SEMA5A: variants seen among roughly 807,000 people sequenced by gnomAD.
SEMA5A encodes semaphorin-5A.
SEMA5A carries 55 observed loss-of-function variants against 135.5 expected under a neutral mutation model. The ratio of observed to expected loss-of-function variants is 0.41; its 90% confidence interval spans 0.33 to 0.51. The LOEUF is 0.51. SEMA5A is among the 20% of genes least tolerant of loss of function. The pLI is 0.37. For missense variants in SEMA5A, 1,290 were observed against 1,419.9 expected (o/e 0.91, Z 1.47); for synonymous variants, 580 against 546.5 (o/e 1.06, Z -0.85).
intron 8 of SEMA5A, 140 bp from the exon 9 acceptor site, chr5:9,202,380 GTGAGCAGCTTAA>G: frequency 1.6e-6 from 1 of 642,282 alleles, no homozygotes; most frequent in South Asian, 3.1e-5. Flanking sequence ...GGGAGGCCCC[GTGAGCAGCTTAA>G]TGATCTACAC....
In SEMA5A at chr5:9,054,227, C is replaced by A. The variant is rs1215443754; in HGVS notation, c.2549G>T (p.Trp850Leu). 1 of 1,613,800 alleles carries A rather than the reference C, an allele frequency of 6.2e-7. No individual in the cohort carries two copies. Among genetic ancestry groups the A allele is most frequent in the Non-Finnish European group, 8.5e-7 (1 of 1,179,880 alleles). ...VDGVWSCWSP[W>L]TKCSATCGGG... ...GCCGCATGTTGCTGAACATTTTGTCCAGGGGGACCAGCAAGACCACACGCC... is the reference window on the plus strand; with the variant it reads ...GCCGCATGTTGCTGAACATTTTGTCAAGGGGGACCAGCAAGACCACACGCC... The change falls in exon 19 of 23, where the codon TGG becomes TTG. Residue 850 changes from tryptophan to leucine, a missense_variant. Physicochemically the swap from Trp to Leu is moderately conservative, Grantham distance 61. Coordinates refer to ENST00000382496, the MANE Select transcript of SEMA5A (RefSeq NM_003966.3).
intron 2 of SEMA5A, among the ~76,000 whole-genome samples, chr5:9,397,343 G>A (rs1756451546): frequency 6.6e-6 from 1 of 152,208 alleles, no homozygotes; most frequent in African/African-American, 2.4e-5. Flanking sequence ...GTGCCAGGTT[G>A]CAAATTCCAG....
intron 11 of SEMA5A, among the ~76,000 whole-genome samples, chr5:9,185,836 A>G (rs1427256506): frequency 6.6e-6 from 1 of 152,128 alleles, no homozygotes; most frequent in Non-Finnish European, 1.5e-5. Context: ...TGGGGGAGGG[A>G]GCATAGAATT....
chr5:9,530,517 T>A (rs945151114), intron 1 of SEMA5A, among the ~76,000 whole-genome samples: 6 of 152,162 alleles, frequency 3.9e-5, no homozygotes, highest in African/African-American at 1.4e-4. Context: ...CCAAAATGTA[T>A]CCCCAAACCA....
intron 1 of SEMA5A, among the ~76,000 whole-genome samples, chr5:9,454,101 C>A (rs1324246803): frequency 6.6e-6 from 1 of 152,214 alleles, no homozygotes; most frequent in Non-Finnish European, 1.5e-5. Flanking sequence ...GGAGACCTTT[C>A]TGAAGTCATC....
chr5:9,103,386 T>C (rs1223016314), intron 16 of SEMA5A, among the ~76,000 whole-genome samples: 1 of 152,242 alleles, frequency 6.6e-6, no homozygotes, highest in African/African-American at 2.4e-5. Context: ...TTATCCATTG[T>C]GCCATTATTT....
At chr5:9,392,488 G>A (rs747451935) in intron 2 of SEMA5A, among the ~76,000 whole-genome samples, 27 of 152,176 alleles carry the variant, frequency 1.8e-4, no homozygotes, top group Non-Finnish European at 3.4e-4. Flanking sequence ...GGAAGCTTCA[G>A]TAATGGGACA....
At chr5:9,201,838 C>A in intron 9 of SEMA5A, 117 bp downstream of exon 9, 1 of 979,616 alleles carries the variant, frequency 1.0e-6, no homozygotes, top group East Asian at 2.6e-5. Flanking sequence ...TCTGTTAGCC[C>A]AGTAAATTAA....
chr5:9,166,952 C>A (rs970066843), intron 11 of SEMA5A, among the ~76,000 whole-genome samples: 1 of 152,284 alleles, frequency 6.6e-6, no homozygotes, highest in East Asian at 1.9e-4. Flanking sequence ...CTGACAGTCA[C>A]CAGGCAGGCA....
chr5:9,154,065 ATATATAT>A (rs1560967895), intron 12 of SEMA5A, among the ~76,000 whole-genome samples: 18 of 47,000 alleles, frequency 3.8e-4, no homozygotes, highest in Admixed American at 8.9e-4. Flanking sequence ...AAAAAAAAAT[ATATATAT>A]ATATATATAT....
intron 15 of SEMA5A, among the ~76,000 whole-genome samples, chr5:9,117,306 G>T (rs1740570190): frequency 6.6e-6 from 1 of 152,170 alleles, no homozygotes; most frequent in Admixed American, 6.5e-5. Context: ...CTAAGTTTGT[G>T]GTGGTGCCTT....
chr5:9,355,863 C>A (rs1305944450), intron 3 of SEMA5A, among the ~76,000 whole-genome samples: 1 of 152,168 alleles, frequency 6.6e-6, no homozygotes, highest in East Asian at 1.9e-4. Context: ...ATGAATAAAG[C>A]CCACATCCCT....
At chr5:9,541,198 T>C (rs942474494) in intron 1 of SEMA5A, among the ~76,000 whole-genome samples, 1 of 152,234 alleles carries the variant, frequency 6.6e-6, no homozygotes, top group Non-Finnish European at 1.5e-5. Flanking sequence ...TATAGTATTA[T>C]TTCACCCACA....
chr5:9,521,712 C>T lies in SEMA5A; in HGVS notation c.-175+23872G>A, dbSNP rs543542663. 5.0e-4 allele frequency among the ~76,000 whole-genome samples: 76 copies of T among 152,312 alleles called. 1 individual carries two copies. The highest frequency in any genetic ancestry group is 1.8e-3 in the African/African-American group (75 of 41,578). On this transcript the variant is annotated intron_variant, in intron 1 of 22. Transcript: ENST00000382496. ...CCCAGCTCTTTCTTCCAGGGCCACA[C>T]ACTACAAGGAAAACCTCCTTTCCTG...
At chr5:9,239,851 A>C (rs1489969726) in intron 5 of SEMA5A, among the ~76,000 whole-genome samples, 1 of 152,078 alleles carries the variant, frequency 6.6e-6, no homozygotes, top group Non-Finnish European at 1.5e-5. Context: ...AAAGTTAAAT[A>C]ATAATGTTCT....
intron 3 of SEMA5A, among the ~76,000 whole-genome samples, chr5:9,374,932 G>C (rs540840983): frequency 1.3e-5 from 2 of 151,858 alleles, no homozygotes; most frequent in Non-Finnish European, 2.9e-5. Context: ...ACAGCACCGG[G>C]GTCTCTGCTT....
At chr5:9,055,323 A>C (rs1001170943) in intron 18 of SEMA5A, among the ~76,000 whole-genome samples, 2 of 152,244 alleles carry the variant, frequency 1.3e-5, no homozygotes, top group African/African-American at 4.8e-5. Flanking sequence ...TTAGATCCTA[A>C]TCTGGGGTTA....
intron 4 of SEMA5A, among the ~76,000 whole-genome samples, chr5:9,327,218 G>T (rs1259118368): frequency 6.6e-6 from 1 of 151,910 alleles, no homozygotes; most frequent in Admixed American, 6.6e-5. Flanking sequence ...TTAAAATATG[G>T]TGACAAATTT....
chr5:9,126,116 T>C (rs905506618), intron 13 of SEMA5A, among the ~76,000 whole-genome samples: 1 of 152,258 alleles, frequency 6.6e-6, no homozygotes, highest in East Asian at 1.9e-4. Flanking sequence ...TTACACAATA[T>C]ATAGGTCTGT....
Sources: gnomAD v4.1 joint callset for allele counts (sites outside exome capture counted in the v4.1 genomes callset) on GRCh38, gnomAD v4.1.1 for gene constraint, MANE v1.5 for transcripts, NCBI Gene and HGNC (gene_info 2026-07-23, HGNC 2026-07-21) for gene names.